Variants in FAT3 observed in about 807,000 individuals in gnomAD.
The protein encoded by FAT3 is FAT atypical cadherin 3.
Under a neutral mutation model 310.2 loss-of-function variants are expected in FAT3, and 95 were observed. The observed-to-expected ratio is 0.31, with a 90% confidence interval of 0.26 to 0.36. The LOEUF (loss-of-function observed/expected upper bound fraction) is 0.36, where lower values mean the gene tolerates loss of function less well. Among genes scored for constraint, FAT3 ranks in the 10% least tolerant of loss-of-function variants. The pLI is 1.00. For synonymous variants in FAT3, 2,314 were observed against 2,192.9 expected (o/e 1.06, Z -1.54); for missense variants, 5,408 against 5,715.6 (o/e 0.95, Z 1.74).
intron 3 of FAT3, among the ~76,000 whole-genome samples, chr11:92,641,731 A>G (rs1239964447): frequency 1.3e-5 from 2 of 152,258 alleles, no homozygotes; most frequent in African/African-American, 4.8e-5. Context: ...AAATAGCATC[A>G]CATTCACGTA....
chr11:92,335,256 TC>T (rs1273673041), intron 1 of FAT3, among the ~76,000 whole-genome samples: 1 of 151,970 alleles, frequency 6.6e-6, no homozygotes, highest in Non-Finnish European at 1.5e-5. Context: ...TATCTTTCCC[TC>T]CTGACTTAGA....
intron 3 of FAT3, among the ~76,000 whole-genome samples, chr11:92,594,113 T>C (rs951178276): frequency 1.4e-4 from 21 of 152,102 alleles, no homozygotes; most frequent in African/African-American, 4.8e-4. Context: ...TGCAAGACCT[T>C]GTGATATCCA....
intron 1 of FAT3, among the ~76,000 whole-genome samples, chr11:92,302,596 T>C (rs1334130916): frequency 6.6e-6 from 1 of 152,102 alleles, no homozygotes; most frequent in African/African-American, 2.4e-5. Flanking sequence ...ACCTCTATAG[T>C]GGCATAGAAG....
chr11:92,642,185 A>T (rs1941989448), intron 3 of FAT3, among the ~76,000 whole-genome samples: 1 of 152,196 alleles, frequency 6.6e-6, no homozygotes, highest in South Asian at 2.1e-4. Context: ...GGTAGAGGAA[A>T]AGTTTCTGCC....
chr11:92,546,775 C>T (rs998772607), intron 3 of FAT3, among the ~76,000 whole-genome samples: 5 of 152,066 alleles, frequency 3.3e-5, no homozygotes, highest in Admixed American at 6.6e-5. Flanking sequence ...GAAAGAACTC[C>T]GCTAACTAAC....
intron 2 of FAT3, among the ~76,000 whole-genome samples, chr11:92,413,271 A>G (rs1008466520): frequency 1.3e-5 from 2 of 152,188 alleles, no homozygotes; most frequent in African/African-American, 2.4e-5. Flanking sequence ...AGTGGGGCCC[A>G]TGATCATCTA....
chr11:92,332,839 A>G (rs889602175), intron 1 of FAT3, among the ~76,000 whole-genome samples: 5 of 152,104 alleles, frequency 3.3e-5, no homozygotes, highest in African/African-American at 1.2e-4. Flanking sequence ...CTACACAGCA[A>G]TTAGTCCCTG....
At chr11:92,673,968 G>A (rs993892873) in intron 3 of FAT3, among the ~76,000 whole-genome samples, 6 of 151,948 alleles carry the variant, frequency 3.9e-5, no homozygotes, top group Non-Finnish European at 8.8e-5. Flanking sequence ...ATCACTTGAG[G>A]TCAGGAGTTC....
chr11:92,591,289 C>A (rs1318742177), intron 3 of FAT3, among the ~76,000 whole-genome samples: 6 of 152,094 alleles, frequency 3.9e-5, no homozygotes, highest in Non-Finnish European at 7.4e-5. Context: ...ACCAGGATAG[C>A]TGATGGTTCT....
intron 1 of FAT3, among the ~76,000 whole-genome samples, chr11:92,251,031 T>A (rs2134277716): frequency 6.6e-6 from 1 of 152,284 alleles, no homozygotes; most frequent in East Asian, 1.9e-4. Context: ...AATTCTATGG[T>A]ACATGTGGTG....
intron 1 of FAT3, among the ~76,000 whole-genome samples, chr11:92,327,065 G>A (rs1947786674): frequency 6.6e-6 from 1 of 151,990 alleles, no homozygotes; most frequent in African/African-American, 2.4e-5. Context: ...TGCAGTATAG[G>A]TGCATTTTAA....
Position 92,674,007 on chromosome 11 carries a change from C to T in FAT3, c.3608-23377C>T, listed in dbSNP as rs190366029. On this transcript the variant is annotated intron_variant, in intron 3 of 27. Transcript: ENST00000525166. The stretch of plus-strand genomic sequence containing the variant: ...ACCAGCCTGGCCAACATGGTGAAAC[C>T]ATGTTTCTACTAAAAATACAAAAAT... 3.9e-5 allele frequency among the ~76,000 whole-genome samples: 6 copies of T among 151,982 alleles called. No individual in the cohort carries two copies. The East Asian group carries it at 1.2e-3, about 30-fold the overall frequency.
intron 3 of FAT3, among the ~76,000 whole-genome samples, chr11:92,538,763 C>T (rs1333136624): frequency 6.6e-6 from 1 of 152,042 alleles, no homozygotes; most frequent in Non-Finnish European, 1.5e-5. Flanking sequence ...ATTGCTACTG[C>T]CACACAGCTT....
intron 3 of FAT3, among the ~76,000 whole-genome samples, chr11:92,653,232 GCAC>G (rs1942451569): frequency 9.3e-6 from 1 of 107,330 alleles, no homozygotes; most frequent in Non-Finnish European, 2.0e-5. Flanking sequence ...GCATGCGTGT[GCAC>G]ACGTGTGCAT....
chr11:92,708,443 A>G (rs896646740), intron 4 of FAT3, among the ~76,000 whole-genome samples: 24 of 152,356 alleles, frequency 1.6e-4, no homozygotes, highest in African/African-American at 5.5e-4. Flanking sequence ...CAGCCAAATT[A>G]CTTAATCTAA....
chr11:92,359,086 G>A (rs139180647), intron 2 of FAT3, among the ~76,000 whole-genome samples: 8 of 152,120 alleles, frequency 5.3e-5, no homozygotes, highest in Admixed American at 2.0e-4. Context: ...CCCAATTATC[G>A]TCATTCAGTA....
intron 2 of FAT3, among the ~76,000 whole-genome samples, chr11:92,372,903 G>A (rs990255804): frequency 2.0e-5 from 3 of 151,892 alleles, no homozygotes; most frequent in Non-Finnish European, 4.4e-5. Context: ...CTTGTGATCC[G>A]CCTGCCTCAG....
At position 92,309,501 on chromosome 11, in the gene FAT3, G is replaced by A. The variant is rs558014670; in HGVS notation, c.-17-42595G>A. Among the ~76,000 whole-genome samples the A allele has an allele frequency of 5.3e-5, 8 of 152,240 alleles. No individual in the cohort carries two copies. In the South Asian group the frequency reaches 1.7e-3, roughly 32 times the overall value. On this transcript the variant is annotated intron_variant, in intron 1 of 27. Coordinates refer to ENST00000525166, the MANE Select transcript of FAT3 (RefSeq NM_001367949.2). ...GTTCAAACTTAAAACGCTGGTTGCT[G>A]TGCATTTAGTTTATGGCAAACACTT...
intron 2 of FAT3, among the ~76,000 whole-genome samples, chr11:92,372,423 A>G (rs1374196057): frequency 1.3e-5 from 2 of 152,056 alleles, no homozygotes; most frequent in Non-Finnish European, 2.9e-5. Context: ...GCACTTTGGA[A>G]AGATTTTTTA....
Sources: gnomAD v4.1 joint callset for allele counts (sites outside exome capture counted in the v4.1 genomes callset) on GRCh38, gnomAD v4.1.1 for gene constraint, MANE v1.5 for transcripts, NCBI Gene and HGNC (gene_info 2026-07-23, HGNC 2026-07-21) for gene names.